The following NBAS variants were observed in gnomAD, a reference collection of about 807,000 sequenced individuals.
NBAS encodes NAG/BC035112 fusion.
A neutral mutation model predicts 302.5 loss-of-function variants in NBAS; 219 were observed. That is an observed-to-expected ratio of 0.72 (90% CI 0.65 to 0.81). The LOEUF (loss-of-function observed/expected upper bound fraction) is 0.81. Ranked by LOEUF, NBAS falls within the 30% of genes least tolerant of loss-of-function variation. The pLI is 0.00. For missense variants in NBAS, 2,932 were observed against 2,841.6 expected, an observed-to-expected ratio of 1.03 and a Z score of -0.72; for synonymous variants, 1,118 against 1,021.6, an observed-to-expected ratio of 1.09 and a Z score of -1.80.
intron 9 of NBAS, among the ~76,000 whole-genome samples, chr2:15,524,448 T>A (rs531218054): frequency 6.6e-6 from 1 of 152,184 alleles, no homozygotes; most frequent in Non-Finnish European, 1.5e-5. Flanking sequence ...CTGACTGGCA[T>A]GTTGTAGGCT....
At chr2:15,345,272 C>A (rs1409018069) in intron 35 of NBAS, among the ~76,000 whole-genome samples, 2 of 152,090 alleles carry the variant, frequency 1.3e-5, no homozygotes, top group Middle Eastern at 3.2e-3. Flanking sequence ...TTATCTCAGC[C>A]CCAAAACTCC....
chr2:15,482,514 G>T (rs952364926), intron 12 of NBAS, among the ~76,000 whole-genome samples: 7 of 152,108 alleles, frequency 4.6e-5, no homozygotes, highest in Non-Finnish European at 1.0e-4. Context: ...TTATAGGAGT[G>T]ATGGCTGTGT....
At position 15,474,143 on chromosome 2, in the gene NBAS, C is replaced by A; in HGVS notation, c.1523G>T (p.Arg508Leu). The A allele has an allele frequency of 1.2e-6, 2 of 1,614,100 alleles. No individual in the cohort carries two copies. The highest frequency in any genetic ancestry group is 1.1e-5 in the South Asian group (1 of 91,080). The change falls in exon 15 of 52, where the codon CGC becomes CTC. Residue 508 changes from arginine (R) to leucine (L), a missense_variant. Physicochemically the swap from Arg to Leu is moderately radical, Grantham distance 102. Transcript: ENST00000281513. ...GTAGTTTTTAGTAATGGTTCGTGGG[C>A]GTTTCCGTGGTGGTGCAAATCGCTC... Reference protein sequence around the residue: ...EMERFAPPRKRPRTITKNYRL... With the variant: ...EMERFAPPRKLPRTITKNYRL...
At chr2:15,336,846 G>A (rs146690285) in intron 35 of NBAS, among the ~76,000 whole-genome samples, 43 of 152,298 alleles carry the variant, frequency 2.8e-4, no homozygotes, top group Middle Eastern at 3.4e-3. Context: ...TTGAGAGGAT[G>A]TATTGAATGA....
chr2:15,021,980 T>C, the NBAS span, among the ~76,000 whole-genome samples: 1 of 152,150 alleles, frequency 6.6e-6, no homozygotes, highest in African/African-American at 2.4e-5. Flanking sequence ...GGAATATTCT[T>C]GGGAACATGT....
intron 5 of NBAS, among the ~76,000 whole-genome samples, chr2:15,552,833 G>A (rs908064699): frequency 9.8e-5 from 14 of 143,536 alleles, no homozygotes; most frequent in African/African-American, 2.1e-4. Flanking sequence ...TCGCTCTGTC[G>A]CCAGGCTGGA....
chr2:14,985,281 T>C, the NBAS span, among the ~76,000 whole-genome samples: 215 of 152,296 alleles, frequency 1.4e-3, no homozygotes, highest in Non-Finnish European at 2.5e-3. Flanking sequence ...GAGAAAACAC[T>C]GTCATCCAGG....
the NBAS span, among the ~76,000 whole-genome samples, chr2:14,887,679 C>T: frequency 3.9e-5 from 6 of 152,150 alleles, no homozygotes; most frequent in Non-Finnish European, 8.8e-5. Flanking sequence ...CCACGCCCCT[C>T]CCCACAAGTC....
the NBAS span, among the ~76,000 whole-genome samples, chr2:15,148,581 A>C: frequency 6.6e-6 from 1 of 152,238 alleles, no homozygotes; most frequent in African/African-American, 2.4e-5. Context: ...TAACAAAACA[A>C]AAACTGAATG....
At chr2:15,075,572 G>A in the NBAS span, among the ~76,000 whole-genome samples, 1 of 152,126 alleles carries the variant, frequency 6.6e-6, no homozygotes, top group Non-Finnish European at 1.5e-5. Context: ...TCAGACTTAG[G>A]GCTACACACA....
intron 49 of NBAS, among the ~76,000 whole-genome samples, chr2:15,189,390 T>C (rs1407552809): frequency 6.6e-6 from 1 of 152,198 alleles, no homozygotes; most frequent in East Asian, 1.9e-4. Flanking sequence ...GACTTTATTT[T>C]CAGAAAAGCA....
intron 35 of NBAS, among the ~76,000 whole-genome samples, chr2:15,333,831 C>A (rs1486982619): frequency 5.6e-5 from 7 of 125,912 alleles, no homozygotes; most frequent in African/African-American, 1.2e-4. Context: ...AGGTTAGATA[C>A]AGTGGAGGTA....
At chr2:15,044,557 T>C in the NBAS span, among the ~76,000 whole-genome samples, 4 of 152,230 alleles carry the variant, frequency 2.6e-5, no homozygotes, top group Admixed American at 2.0e-4. Flanking sequence ...GGTTCTTTCC[T>C]AGAGTGGCCA....
the NBAS span, among the ~76,000 whole-genome samples, chr2:15,017,939 A>G: frequency 6.6e-6 from 1 of 152,126 alleles, no homozygotes; most frequent in Non-Finnish European, 1.5e-5. Flanking sequence ...GTATATATAC[A>G]CAATTGAATA....
chr2:15,151,139 T>G, the NBAS span, among the ~76,000 whole-genome samples: 32 of 152,334 alleles, frequency 2.1e-4, no homozygotes, highest in East Asian at 3.5e-3. Flanking sequence ...CCACAGGGAA[T>G]TCTCTGTTGT....
intron 44 of NBAS, among the ~76,000 whole-genome samples, chr2:15,239,438 T>C (rs1667763616): frequency 6.6e-6 from 1 of 150,996 alleles, no homozygotes; most frequent in South Asian, 2.1e-4. Context: ...ATTGCTTATC[T>C]GAAATGTTTG....
the NBAS span, among the ~76,000 whole-genome samples, chr2:14,966,545 T>A: frequency 1.3e-5 from 2 of 152,086 alleles, no homozygotes; most frequent in East Asian, 3.9e-4. Flanking sequence ...ACTACTGTAT[T>A]CTCCATCTGT....
At chr2:14,813,956 T>A in the NBAS span, among the ~76,000 whole-genome samples, 2 of 152,204 alleles carry the variant, frequency 1.3e-5, no homozygotes, top group Non-Finnish European at 2.9e-5. Flanking sequence ...GTGCCCTGCA[T>A]CCCAACTGCT....
chr2:14,833,931 G>A, the NBAS span, among the ~76,000 whole-genome samples: 1 of 152,022 alleles, frequency 6.6e-6, no homozygotes, highest in South Asian at 2.1e-4. Context: ...CATATATGAA[G>A]GACTATTTTC....
Sources: allele counts gnomAD v4.1 joint callset (sites outside exome capture counted in the v4.1 genomes callset), GRCh38; gene constraint gnomAD v4.1.1; transcripts MANE v1.5; gene names NCBI Gene and HGNC (gene_info 2026-07-23, HGNC 2026-07-21).